GPHN: variants seen among roughly 807,000 people sequenced by gnomAD.
GPHN encodes gephyrin.
A neutral mutation model predicts 95.5 loss-of-function variants in GPHN; 17 were observed. The observed-to-expected ratio is 0.18, with a 90% CI of 0.12 to 0.27. GPHN has a LOEUF of 0.27. GPHN is among the 10% of genes least tolerant of loss of function. The probability of loss-of-function intolerance (pLI) is 1.00; values close to 1 mark genes in which losing one functional copy is unlikely to be tolerated. For missense variants in GPHN, 660 were observed against 978.1 expected (o/e 0.67, Z 4.34); for synonymous variants, 320 against 322.5 (o/e 0.99, Z 0.08).
the GPHN span, among the ~76,000 whole-genome samples, chr14:67,507,029 G>T: frequency 1.1e-4 from 16 of 152,112 alleles, no homozygotes; most frequent in African/African-American, 3.1e-4. Flanking sequence ...TGTTCAAAGG[G>T]AACTGAAGAT....
intron 19 of GPHN, 75 bp downstream of exon 19, chr14:67,159,563 T>C: frequency 1.2e-6 from 1 of 811,498 alleles, no homozygotes; most frequent in Non-Finnish European, 2.2e-6. Flanking sequence ...TTAAATGCCT[T>C]CTTTTTACAT....
At chr14:67,225,477 G>C in the GPHN span, among the ~76,000 whole-genome samples, 2 of 152,184 alleles carry the variant, frequency 1.3e-5, no homozygotes, top group Non-Finnish European at 2.9e-5. Flanking sequence ...GAGGAGGAGA[G>C]AGGGCTTCAG....
chr14:67,420,308 C>T, the GPHN span, among the ~76,000 whole-genome samples: 1 of 152,206 alleles, frequency 6.6e-6, no homozygotes, highest in Non-Finnish European at 1.5e-5. Flanking sequence ...GAGATGCTGC[C>T]CGCCGCTAGG....
intron 18 of GPHN, among the ~76,000 whole-genome samples, chr14:67,145,225 T>C (rs1291329096): frequency 6.6e-6 from 1 of 152,222 alleles, no homozygotes; most frequent in Admixed American, 6.5e-5. Context: ...ATTAACCTAA[T>C]TGTGGGATAA....
chr14:67,491,754 T>C, the GPHN span, among the ~76,000 whole-genome samples: 30 of 152,192 alleles, frequency 2.0e-4, no homozygotes, highest in African/African-American at 7.0e-4. Context: ...AGAAAAGCCC[T>C]GAGCACAAAT....
intron 11 of GPHN, among the ~76,000 whole-genome samples, chr14:67,087,698 A>G (rs2076965023): frequency 6.6e-6 from 1 of 152,172 alleles, no homozygotes; most frequent in Admixed American, 6.5e-5. Context: ...ACTTACTTCT[A>G]GGTCCTAGGA....
At chr14:66,582,829 G>T (rs1425972931) in intron 1 of GPHN, among the ~76,000 whole-genome samples, 2 of 152,094 alleles carry the variant, frequency 1.3e-5, no homozygotes, top group East Asian at 1.9e-4. Flanking sequence ...ATTGTGAATA[G>T]TGCCGCAATA....
At chr14:67,685,378 A>C in the GPHN span, among the ~76,000 whole-genome samples, 3 of 152,210 alleles carry the variant, frequency 2.0e-5, no homozygotes, top group Non-Finnish European at 4.4e-5. Flanking sequence ...AGATCTAAGA[A>C]GGCTCTAGAG....
chr14:67,690,992 C>A, the GPHN span: 1 of 644,056 alleles, frequency 1.6e-6, no homozygotes, highest in Non-Finnish European at 2.8e-6. Flanking sequence ...TATTCCTCAG[C>A]TATCAGGTAG....
chr14:67,366,430 C>G, the GPHN span, among the ~76,000 whole-genome samples: 1 of 152,054 alleles, frequency 6.6e-6, no homozygotes, highest in Non-Finnish European at 1.5e-5. Context: ...TTTTTAGTTG[C>G]AATCAGAAAA....
the GPHN span, chr14:67,201,450 C>G: frequency 2.2e-6 from 1 of 456,104 alleles, no homozygotes; most frequent in Non-Finnish European, 4.4e-6. Context: ...CTCAGGGCCT[C>G]ACATCTAAAC....
the GPHN span, among the ~76,000 whole-genome samples, chr14:67,261,116 G>A: frequency 6.6e-6 from 1 of 152,206 alleles, no homozygotes; most frequent in East Asian, 1.9e-4. Flanking sequence ...CAGGTGCTTA[G>A]CATAGTGAAT....
the GPHN span, chr14:67,562,892 T>A: frequency 6.2e-7 from 1 of 1,611,496 alleles, no homozygotes; most frequent in African/African-American, 1.3e-5. Context: ...GTTTTCATCC[T>A]GGGTAAGAGG....
rs112781165 is a variant in GPHN, at chr14:66,924,483, A to G, written c.828+191A>G. 3.1e-3 allele frequency among the ~76,000 whole-genome samples: 471 copies of G among 152,324 alleles called. 11 individuals carry two copies. The highest frequency in any genetic ancestry group is 0.011 in the African/African-American group (446 of 41,574). ...ATTTAATAGAGTTTCTCCTGTGACT[A>G]AAGTACTCTGCTATCATTAAGATTC... is the stretch of plus-strand genomic sequence containing the variant. On this transcript the variant is annotated intron_variant, in intron 8 of 22. Coordinates refer to ENST00000478722, the MANE Select transcript of GPHN (RefSeq NM_020806.5).
intron 1 of GPHN, among the ~76,000 whole-genome samples, chr14:66,626,141 A>C (rs1434370172): frequency 6.6e-6 from 1 of 152,178 alleles, no homozygotes; most frequent in Non-Finnish European, 1.5e-5. Flanking sequence ...CCTGTTTTTC[A>C]TAAGGTGCTT....
At chr14:67,716,162 A>C in the GPHN span, among the ~76,000 whole-genome samples, 1 of 150,962 alleles carries the variant, frequency 6.6e-6, no homozygotes, top group Non-Finnish European at 1.5e-5. Flanking sequence ...ACGCCACTGC[A>C]CTCCAGCCTG....
intron 1 of GPHN, among the ~76,000 whole-genome samples, chr14:66,589,332 G>T (rs1046220963): frequency 6.6e-6 from 1 of 152,020 alleles, no homozygotes; most frequent in Non-Finnish European, 1.5e-5. Flanking sequence ...CAGCTAATGG[G>T]CAAAATAACC....
chr14:67,048,487 C>A (rs1326888622), intron 10 of GPHN, among the ~76,000 whole-genome samples: 1 of 152,200 alleles, frequency 6.6e-6, no homozygotes, highest in African/African-American at 2.4e-5. Context: ...TTTAATCCTA[C>A]AAATCTACTT....
the GPHN span, among the ~76,000 whole-genome samples, chr14:67,506,228 G>A: frequency 1.3e-5 from 2 of 151,896 alleles, no homozygotes; most frequent in Non-Finnish European, 2.9e-5. Flanking sequence ...TCATAAAGCG[G>A]GTGTATTTTG....
Sources: allele counts gnomAD v4.1 joint callset (sites outside exome capture counted in the v4.1 genomes callset), GRCh38; gene constraint gnomAD v4.1.1; transcripts MANE v1.5; gene names NCBI Gene and HGNC (gene_info 2026-07-23, HGNC 2026-07-21).